Variants in SPIRE1 observed in about 807,000 individuals in gnomAD.
SPIRE1 encodes spire type actin nucleation factor 1.
SPIRE1 carries 40 observed loss-of-function variants against 94.1 expected under a neutral mutation model. That is an observed-to-expected ratio of 0.43 (90% CI 0.33 to 0.55). The LOEUF (loss-of-function observed/expected upper bound fraction) is 0.55, where lower values mean the gene tolerates loss of function less well. SPIRE1 is among the 20% of genes least tolerant of loss of function. SPIRE1 has a pLI of 0.06. For synonymous variants in SPIRE1, 376 were observed against 371.7 expected (o/e 1.01, Z -0.13); for missense variants, 838 against 975.2 (o/e 0.86, Z 1.87).
chr18:12,481,166 C>A (rs2032827494), intron 9 of SPIRE1, among the ~76,000 whole-genome samples: 1 of 151,894 alleles, frequency 6.6e-6, no homozygotes, highest in African/African-American at 2.4e-5. Flanking sequence ...CCCGTCTCCA[C>A]TAAAAATATA....
intron 2 of SPIRE1, among the ~76,000 whole-genome samples, chr18:12,617,190 C>A: frequency 8.8e-6 from 1 of 113,688 alleles, no homozygotes. Flanking sequence ...AATGGGGTCT[C>A]GCTCTGTCGC....
At position 12,559,352 on chromosome 18, in the gene SPIRE1, C is replaced by T. The variant is rs763662337; in HGVS notation, c.373-12448G>A. 3.3e-5 allele frequency among the ~76,000 whole-genome samples: 5 copies of T among 152,182 alleles called. No homozygotes were observed. Among genetic ancestry groups the T allele is most frequent in the East Asian group, 1.9e-4 (1 of 5,192 alleles). On this transcript the variant is annotated intron_variant, in intron 2 of 16. Coordinates refer to ENST00000409402, the MANE Select transcript of SPIRE1 (RefSeq NM_001128626.2). The surrounding 1 kb of genome is among the most constrained non-coding windows in gnomAD (Gnocchi z 4.7). Reference sequence around the variant, plus strand: ...CGCGGGTGCTAAGCCTCTCATTGCCCGGGCCGGCGTCGCCAGCCGGCAGCT... The same window carrying T: ...CGCGGGTGCTAAGCCTCTCATTGCCTGGGCCGGCGTCGCCAGCCGGCAGCT...
At chr18:12,613,992 C>CA (rs1491167330) in intron 2 of SPIRE1, among the ~76,000 whole-genome samples, 1 of 150,602 alleles carries the variant, frequency 6.6e-6, no homozygotes, top group Non-Finnish European at 1.5e-5. Flanking sequence ...AGCACGGTGG[C>CA]ACACACACTG....
intron 7 of SPIRE1, among the ~76,000 whole-genome samples, chr18:12,494,999 G>A (rs1470137811): frequency 3.5e-5 from 5 of 144,408 alleles, no homozygotes; most frequent in Non-Finnish European, 3.0e-5. Context: ...GCAGTGAGCC[G>A]AGATTGCATC....
At chr18:12,593,242 T>C (rs1161559214) in intron 2 of SPIRE1, among the ~76,000 whole-genome samples, 2 of 152,336 alleles carry the variant, frequency 1.3e-5, no homozygotes, top group South Asian at 2.1e-4. Flanking sequence ...TTTAAGACCA[T>C]ACAGATGTGA....
At chr18:12,591,461 A>G (rs979841865) in intron 2 of SPIRE1, among the ~76,000 whole-genome samples, 3 of 152,192 alleles carry the variant, frequency 2.0e-5, no homozygotes, top group Non-Finnish European at 4.4e-5. Context: ...AGGTTAGTAG[A>G]GGAGTGACAC....
chr18:12,555,817 T>C (rs1225315584), intron 2 of SPIRE1, among the ~76,000 whole-genome samples: 1 of 152,138 alleles, frequency 6.6e-6, no homozygotes, highest in African/African-American at 2.4e-5. Context: ...AAGTCCTAGC[T>C]AGAGCAATCA....
At chr18:12,533,578 ATATTGTTC>A (rs1184985006) in intron 4 of SPIRE1, among the ~76,000 whole-genome samples, 5 of 152,200 alleles carry the variant, frequency 3.3e-5, no homozygotes, top group Admixed American at 3.3e-4. Flanking sequence ...AAAAATACTA[ATATTGTTC>A]TATTTAAGCT....
intron 3 of SPIRE1, 49 bp downstream of exon 3, chr18:12,546,621 GAAGA>G: frequency 7.3e-7 from 1 of 1,360,784 alleles, no homozygotes; most frequent in South Asian, 1.2e-5. Flanking sequence ...AAAAAAAGAA[GAAGA>G]AATAACAACT....
chr18:12,548,278 G>A (rs149753357), intron 2 of SPIRE1, among the ~76,000 whole-genome samples: 3 of 152,108 alleles, frequency 2.0e-5, no homozygotes, highest in South Asian at 2.1e-4. Context: ...TGGTAATACC[G>A]CATTTTTAAA....
chr18:12,509,346 T>C (rs1289411760), intron 5 of SPIRE1, among the ~76,000 whole-genome samples: 1 of 152,184 alleles, frequency 6.6e-6, no homozygotes, highest in African/African-American at 2.4e-5. Context: ...TAGTAAGAAA[T>C]TAAATTTTTA....
chr18:12,657,895 C>G lies in SPIRE1; in HGVS notation c.-29G>C, dbSNP rs961143598. ...GCGGGTGGGCGCTGCGCTCGGCAGT[C>G]GCGCCGTGTGCCGGCGTCTCCTCAG... On this transcript the variant is annotated 5_prime_UTR_variant, in exon 1 of 17. Coordinates refer to ENST00000409402, the MANE Select transcript of SPIRE1 (RefSeq NM_001128626.2). The G allele has an allele frequency of 6.0e-5, 62 of 1,034,952 alleles. No individual in the cohort carries two copies. In the African/African-American group the frequency reaches 1.0e-3, roughly 17 times the overall value. The allele number at this position is 1,034,952 out of a possible 1,614,324, so 64.1% of individuals were successfully genotyped here. A position where few individuals can be genotyped will look rare whatever the true frequency, so the allele number is the denominator to read the frequency against.
intron 2 of SPIRE1, among the ~76,000 whole-genome samples, chr18:12,547,625 T>G (rs577207611): frequency 2.8e-4 from 43 of 152,250 alleles, no homozygotes; most frequent in Admixed American, 2.5e-3. Context: ...TCTCTCTCTC[T>G]CTGTGTCTCT....
At chr18:12,586,805 A>T (rs1283495109) in intron 2 of SPIRE1, among the ~76,000 whole-genome samples, 3 of 152,226 alleles carry the variant, frequency 2.0e-5, no homozygotes, top group Non-Finnish European at 2.9e-5. Context: ...TTTGAAACTC[A>T]TTGCTCTAAA....
At chr18:12,524,272 G>A (rs1357930835) in intron 4 of SPIRE1, among the ~76,000 whole-genome samples, 1 of 152,170 alleles carries the variant, frequency 6.6e-6, no homozygotes, top group Admixed American at 6.5e-5. Context: ...AGCAGCTAAA[G>A]ATAAACTGGC....
At chr18:12,573,605 T>A (rs1261667965) in intron 2 of SPIRE1, among the ~76,000 whole-genome samples, 1 of 152,140 alleles carries the variant, frequency 6.6e-6, no homozygotes, top group African/African-American at 2.4e-5. Context: ...GATAATGGAA[T>A]AATATTCAAA....
rs186788512 is a variant in SPIRE1 at position 12,638,223 on chromosome 18, T to C, written c.338-3127A>G. Among the ~76,000 whole-genome samples the C allele has an allele frequency of 1.1e-4, 16 of 152,220 alleles. 1 individual carries two copies. Among genetic ancestry groups the C allele is most frequent in the Admixed American group, 1.0e-3 (16 of 15,268 alleles). On this transcript the variant is annotated intron_variant, in intron 1 of 16. Transcript: ENST00000409402. ...ACTTTGGGAGGCTGAGGTGGGAGGA[T>C]TGTTTGAGCTCAGGAGTTTGAAACC...
intron 6 of SPIRE1, among the ~76,000 whole-genome samples, chr18:12,497,598 C>T (rs2033505771): frequency 6.6e-6 from 1 of 152,030 alleles, no homozygotes; most frequent in Non-Finnish European, 1.5e-5. Flanking sequence ...GCAGGATGGC[C>T]CAGAGCAAGC....
At position 12,657,949 on chromosome 18, in the gene SPIRE1, G is replaced by T. The variant is rs2038606541; in HGVS notation, c.-83C>A. ...CGGAGCATCGTCGTCGCGCGCCGCCGCCTCACCATCCCCGGAACCGCCGCC... is the reference window on the plus strand; with the variant it reads ...CGGAGCATCGTCGTCGCGCGCCGCCTCCTCACCATCCCCGGAACCGCCGCC... On this transcript the variant is annotated 5_prime_UTR_variant, in exon 1 of 17. Transcript: ENST00000409402. 1 of 1,006,938 alleles carries T rather than the reference G, an allele frequency of 9.9e-7. No homozygotes were observed. Among genetic ancestry groups the T allele is most frequent in the Non-Finnish European group, 1.2e-6 (1 of 846,030 alleles). 62.4% of individuals were successfully genotyped at this position (1,006,938 alleles called of 1,614,324 possible). A position where few individuals can be genotyped will look rare whatever the true frequency, so the allele number is the denominator to read the frequency against.
Sources: allele counts gnomAD v4.1 joint callset (sites outside exome capture counted in the v4.1 genomes callset), GRCh38; gene constraint gnomAD v4.1.1; non-coding constraint Gnocchi (gnomAD v3.1); transcripts MANE v1.5; gene names NCBI Gene and HGNC (gene_info 2026-07-23, HGNC 2026-07-21).